The following PCDH9 variants were observed in gnomAD, a reference collection of about 807,000 sequenced individuals.
The protein encoded by PCDH9 is protocadherin-9.
A neutral mutation model predicts 70.6 loss-of-function variants in PCDH9; 24 were observed. That is an observed-to-expected ratio of 0.34 (90% CI 0.25 to 0.48). The LOEUF (loss-of-function observed/expected upper bound fraction) is 0.48. Among genes scored for constraint, PCDH9 ranks in the 20% least tolerant of loss-of-function variants. The probability of loss-of-function intolerance (pLI) is 0.99; values close to 1 mark genes in which losing one functional copy is unlikely to be tolerated. For missense variants in PCDH9, 1,281 were observed against 1,503.6 expected, an observed-to-expected ratio of 0.85 and a Z score of 2.45; for synonymous variants, 562 against 558.5, an observed-to-expected ratio of 1.01 and a Z score of -0.09.
chr13:66,886,843 T>G (rs2082012081), intron 3 of PCDH9, among the ~76,000 whole-genome samples: 1 of 152,106 alleles, frequency 6.6e-6, no homozygotes, highest in African/African-American at 2.4e-5. Flanking sequence ...AATTATAAAG[T>G]GACAACAAAC....
intron 4 of PCDH9, among the ~76,000 whole-genome samples, chr13:66,415,170 G>A (rs1957440326): frequency 6.6e-6 from 1 of 152,108 alleles, no homozygotes; most frequent in Non-Finnish European, 1.5e-5. Flanking sequence ...TCTGATTAAA[G>A]CTAATCTTAA....
At chr13:67,062,898 A>G (rs1355194209) in intron 2 of PCDH9, among the ~76,000 whole-genome samples, 2 of 152,156 alleles carry the variant, frequency 1.3e-5, no homozygotes, top group Non-Finnish European at 2.9e-5. Context: ...TCCAGAAAAC[A>G]TGCATTAAAG....
intron 2 of PCDH9, among the ~76,000 whole-genome samples, chr13:67,013,264 A>AACACACACACACACACACACACACAC (rs111347560): frequency 2.1e-5 from 3 of 144,492 alleles, no homozygotes; most frequent in African/African-American, 7.6e-5. Context: ...TTTTTAATGT[A>AACACACACACACACACACACACACAC]ACACACACAC....
intron 3 of PCDH9, among the ~76,000 whole-genome samples, chr13:66,842,311 G>T (rs1384594458): frequency 6.6e-6 from 1 of 152,038 alleles, no homozygotes; most frequent in African/African-American, 2.4e-5. Flanking sequence ...TACTGAAAAA[G>T]AAAATTTATT....
intron 2 of PCDH9, among the ~76,000 whole-genome samples, chr13:67,180,157 C>T (rs536507914): frequency 2.0e-5 from 3 of 152,212 alleles, no homozygotes; most frequent in South Asian, 2.1e-4. Context: ...TACTGAGATG[C>T]TTTTCAACTA....
At chr13:66,801,513 T>C (rs1449014401) in intron 3 of PCDH9, among the ~76,000 whole-genome samples, 2 of 152,110 alleles carry the variant, frequency 1.3e-5, no homozygotes, top group East Asian at 1.9e-4. Context: ...TAGAACTTCA[T>C]TGAATATTAA....
chr13:66,595,776 A>G (rs2077095139), intron 4 of PCDH9, among the ~76,000 whole-genome samples: 1 of 151,700 alleles, frequency 6.6e-6, no homozygotes, highest in African/African-American at 2.4e-5. Flanking sequence ...CATACAATAT[A>G]TTAACGTATA....
At chr13:66,630,905 T>A in intron 4 of PCDH9, 1 of 232,732 alleles carries the variant, frequency 4.3e-6, no homozygotes. Context: ...TTCTAAAATG[T>A]GTTCAAATTT....
At chr13:66,690,737 A>AT (rs1002537333) in intron 3 of PCDH9, among the ~76,000 whole-genome samples, 2 of 152,204 alleles carry the variant, frequency 1.3e-5, no homozygotes, top group Non-Finnish European at 2.9e-5. Context: ...AGGGTCAGAA[A>AT]TAAGTTTCCT....
At chr13:66,921,029 G>A (rs2082629347) in intron 2 of PCDH9, among the ~76,000 whole-genome samples, 1 of 151,040 alleles carries the variant, frequency 6.6e-6, no homozygotes, top group South Asian at 2.1e-4. Context: ...TTCTTTGACT[G>A]AAGATGATCA....
At chr13:66,593,007 A>C (rs1232387551) in intron 4 of PCDH9, among the ~76,000 whole-genome samples, 1 of 151,734 alleles carries the variant, frequency 6.6e-6, no homozygotes. Context: ...AAGGTTAAGG[A>C]TGACAGCAAC....
chr13:66,834,388 C>T (rs1438040184), intron 3 of PCDH9, among the ~76,000 whole-genome samples: 4 of 152,026 alleles, frequency 2.6e-5, no homozygotes, highest in Admixed American at 2.0e-4. Context: ...GTGATCCACC[C>T]GCCTCGGCCT....
chr13:66,367,800 A>T (rs896267149), intron 4 of PCDH9, among the ~76,000 whole-genome samples: 1 of 151,922 alleles, frequency 6.6e-6, no homozygotes, highest in Non-Finnish European at 1.5e-5. Context: ...AGCCATTGAA[A>T]TATCTTTGAA....
At chr13:66,682,376 CTATCTATCTATCTATCT>C (rs1418477399) in intron 3 of PCDH9, among the ~76,000 whole-genome samples, 2 of 145,628 alleles carry the variant, frequency 1.4e-5, no homozygotes, top group Non-Finnish European at 3.1e-5. Context: ...ATCTATCTAT[CTATCTATCTATCTATCT>C]ATCTATCATC....
intron 3 of PCDH9, among the ~76,000 whole-genome samples, chr13:66,766,270 T>G (rs1040781499): frequency 6.6e-6 from 1 of 151,492 alleles, no homozygotes; most frequent in Admixed American, 6.6e-5. Context: ...TCTAGAAGAG[T>G]CAGAGATGAC....
intron 3 of PCDH9, among the ~76,000 whole-genome samples, chr13:66,717,221 C>T (rs540801923): frequency 6.6e-6 from 1 of 151,496 alleles, no homozygotes; most frequent in South Asian, 2.1e-4. Flanking sequence ...TTTGGGAGGC[C>T]GAGGCGAGCG....
At chr13:66,674,432 A>G (rs63397260) in intron 3 of PCDH9, among the ~76,000 whole-genome samples, 1 of 150,692 alleles carries the variant, frequency 6.6e-6, no homozygotes, top group African/African-American at 2.4e-5. Flanking sequence ...GTTAAAAAAA[A>G]TTGACTTTAC....
chr13:66,685,537 G>C (rs1219842561), intron 3 of PCDH9, among the ~76,000 whole-genome samples: 1 of 152,226 alleles, frequency 6.6e-6, no homozygotes, highest in Non-Finnish European at 1.5e-5. Flanking sequence ...CCCACACAGA[G>C]TCCCCACTGG....
rs184239795 is a variant in PCDH9 at position 66,443,267 on chromosome 13, T to G, written c.3341-138239A>C. 2.3e-3 allele frequency among the ~76,000 whole-genome samples: 352 copies of G among 152,170 alleles called. 4 individuals are homozygous for G. Among genetic ancestry groups the G allele is most frequent in the African/African-American group, 8.0e-3 (334 of 41,514 alleles). ...TCTCTGGGACAACAAGCTGAAAAAT[T>G]TTTAGTTAGTATTGATGATGGGATT... On this transcript the variant is annotated intron_variant, in intron 4 of 4. Coordinates refer to ENST00000377865, the MANE Select transcript of PCDH9 (RefSeq NM_203487.3).
Sources: allele counts gnomAD v4.1 joint callset (sites outside exome capture counted in the v4.1 genomes callset), GRCh38; gene constraint gnomAD v4.1.1; transcripts MANE v1.5; gene names NCBI Gene and HGNC (gene_info 2026-07-23, HGNC 2026-07-21).